Variants in EXD2 observed in about 807,000 individuals in gnomAD.
The protein encoded by EXD2 is exonuclease 3'-5' domain-containing protein 2.
A neutral mutation model predicts 62.5 loss-of-function variants in EXD2; 40 were observed. The observed-to-expected ratio is 0.64, with a 90% CI of 0.50 to 0.83. EXD2 has a LOEUF of 0.83. Ranked by LOEUF, EXD2 falls within the 40% of genes least tolerant of loss-of-function variation. The pLI is 0.00. For synonymous variants in EXD2, 239 were observed against 291.9 expected (o/e 0.82, Z 1.85); for missense variants, 671 against 761.8 (o/e 0.88, Z 1.40).
intron 3 of EXD2, among the ~76,000 whole-genome samples, chr14:69,214,525 AC>A (rs1249226277): frequency 6.6e-6 from 1 of 152,124 alleles, no homozygotes; most frequent in East Asian, 1.9e-4. Flanking sequence ...GTGAAATATA[AC>A]ACATCAAGAA....
chr14:69,207,170 A>T (rs2042631028), intron 2 of EXD2, among the ~76,000 whole-genome samples: 1 of 152,136 alleles, frequency 6.6e-6, no homozygotes, highest in Non-Finnish European at 1.5e-5. Context: ...TACAGGCATG[A>T]TTATAATCCA....
Position 69,237,789 on chromosome 14 carries a change from C to G in EXD2, c.1507C>G (p.Arg503Gly). The G allele has an allele frequency of 6.2e-7, 1 of 1,613,636 alleles. No homozygotes were observed. Among genetic ancestry groups the G allele is most frequent in the Non-Finnish European group, 8.5e-7 (1 of 1,179,874 alleles). ...LLEDPERRQV[R>G]SGARALLNAE... ...GGAAGATCCTGAGCGCCGGCAGGTG[C>G]GTTCTGGGGCCAGGGCCCTGCTCAA... is the stretch of plus-strand genomic sequence containing the variant. The change falls in exon 9 of 10, where the codon CGT becomes GGT. Residue 503 changes from arginine (R) to glycine (G), a missense_variant. By Grantham distance (125) the Arg-to-Gly change is moderately radical. Coordinates refer to ENST00000685843, the MANE Select transcript of EXD2 (RefSeq NM_001193360.2).
rs1313773946 is a variant in EXD2 at position 69,209,775 on chromosome 14, T to C, written c.305T>C (p.Phe102Ser). The C allele has an allele frequency of 2.0e-6, 3 of 1,515,046 alleles. No individual in the cohort carries two copies. In the East Asian group the frequency reaches 7.4e-5, roughly 38 times the overall value. The allele number at this position is 1,515,046 out of a possible 1,614,324, so 93.9% of individuals were successfully genotyped here. ...TTGCTTAGAAGTGAATTAGAAGATT[T>C]TCCAGTACTTGGAATTGACTGTGAG... ...EPLLRSELED[F>S]PVLGIDCEWV... The change falls in exon 3 of 10, where the codon TTT (phenylalanine) becomes TCT (serine). Residue 102 changes from phenylalanine to serine, a missense_variant. Phe to Ser is a radical substitution (Grantham distance 155, BLOSUM62 -2). Transcript: ENST00000685843.
intron 3 of EXD2, among the ~76,000 whole-genome samples, chr14:69,215,538 G>A (rs945033572): frequency 6.6e-6 from 1 of 152,088 alleles, no homozygotes; most frequent in African/African-American, 2.4e-5. Context: ...CCCATCCGTA[G>A]CATATGACTG....
At chr14:69,192,352 ATAGGAAT>A (rs1366970802) in intron 1 of EXD2, among the ~76,000 whole-genome samples, 1 of 152,182 alleles carries the variant, frequency 6.6e-6, no homozygotes, top group Non-Finnish European at 1.5e-5. Context: ...TTTGTTAATC[ATAGGAAT>A]TAGGAAGTGC....
At chr14:69,236,597 G>A (rs879197040) in intron 8 of EXD2, 55 bp downstream of exon 8, 16 of 1,611,464 alleles carry the variant, frequency 9.9e-6, no homozygotes, top group Non-Finnish European at 1.4e-5. Context: ...AATTGCTTTT[G>A]TAGCCATATG....
Position 69,240,883 on chromosome 14 carries a change from GA to G in EXD2, c.1651del (p.Ile551SerfsTer11). 1.9e-6 allele frequency: 3 copies of G among 1,610,938 alleles called. No homozygotes were observed. The highest frequency in any genetic ancestry group is 2.5e-6 in the Non-Finnish European group (3 of 1,177,744). On this transcript the variant is annotated frameshift_variant and splice_region_variant, in exon 10 of 10. Coordinates refer to ENST00000685843, the MANE Select transcript of EXD2 (RefSeq NM_001193360.2). LOFTEE classifies it high-confidence loss of function. ...ACACTTTGTTTTTCATGTTTTGGCAGAATCTCCAATGAAAACTATGTTCCTC... is the reference window on the plus strand; with the variant it reads ...ACACTTTGTTTTTCATGTTTTGGCAGATCTCCAATGAAAACTATGTTCCTC... ...MLQEAASLET[R>X]ISNENYVPHG...
At chr14:69,210,945 A>G (rs1037053345) in intron 3 of EXD2, among the ~76,000 whole-genome samples, 2 of 152,198 alleles carry the variant, frequency 1.3e-5, no homozygotes, top group Non-Finnish European at 2.9e-5. Flanking sequence ...GCAAGTTGTA[A>G]TCTTTTTGCT....
intron 1 of EXD2, among the ~76,000 whole-genome samples, chr14:69,202,817 G>A (rs2042453495): frequency 6.6e-6 from 1 of 152,122 alleles, no homozygotes; most frequent in South Asian, 2.1e-4. Context: ...GGCTGAAACA[G>A]ACAAGATGAA....
At chr14:69,212,518 GTT>G (rs869028588) in intron 3 of EXD2, among the ~76,000 whole-genome samples, 2 of 141,230 alleles carry the variant, frequency 1.4e-5, no homozygotes, top group Admixed American at 7.1e-5. Context: ...CTTCTTTATT[GTT>G]TTTTTTTTTT....
At chr14:69,231,600 A>T (rs1170740371) in intron 5 of EXD2, among the ~76,000 whole-genome samples, 1 of 151,814 alleles carries the variant, frequency 6.6e-6, no homozygotes, top group East Asian at 1.9e-4. Context: ...TCCACCCCAG[A>T]CTCCTTATCA....
At chr14:69,230,405 C>T (rs1228352399) in intron 4 of EXD2, 67 bp from the exon 5 acceptor site, 2 of 1,110,562 alleles carry the variant, frequency 1.8e-6, no homozygotes, top group Non-Finnish European at 2.6e-6. Context: ...ATTTATATGT[C>T]TTTTTTGATT....
intron 2 of EXD2, among the ~76,000 whole-genome samples, chr14:69,205,315 C>T (rs1036206020): frequency 2.6e-5 from 4 of 152,152 alleles, no homozygotes; most frequent in African/African-American, 4.8e-5. Context: ...CCTCCCAAAG[C>T]GTTGAGATTA....
chr14:69,235,640 G>A (rs576488395), intron 6 of EXD2: 1 of 288,706 alleles, frequency 3.5e-6, no homozygotes, highest in East Asian at 1.0e-4. Flanking sequence ...AAGTGTTACT[G>A]CATGTGAGTT....
chr14:69,229,534 G>C (rs540667982), intron 4 of EXD2, among the ~76,000 whole-genome samples: 3 of 152,296 alleles, frequency 2.0e-5, no homozygotes, highest in East Asian at 1.9e-4. Flanking sequence ...AGCGTGCTCT[G>C]TTCAGTTTGC....
chr14:69,208,499 C>T (rs571295550), intron 2 of EXD2, among the ~76,000 whole-genome samples: 58 of 152,202 alleles, frequency 3.8e-4, no homozygotes, highest in South Asian at 1.2e-3. Context: ...CATGAGCCAC[C>T]GCGCCCGGCC....
Position 69,241,101 on chromosome 14 carries a change from T to C in EXD2, c.*1T>C. The C allele has an allele frequency of 1.2e-6, 2 of 1,611,688 alleles. No individual in the cohort carries two copies. Among genetic ancestry groups the C allele is most frequent in the Non-Finnish European group, 1.7e-6 (2 of 1,179,686 alleles). Reference sequence around the variant, plus strand: ...AGATCTTCCCATCCAGCTGTCTTGATAGCTGCTTTCCTCCCAGTTAGGACA... The same window carrying C: ...AGATCTTCCCATCCAGCTGTCTTGACAGCTGCTTTCCTCCCAGTTAGGACA... On this transcript the variant is annotated 3_prime_UTR_variant, in exon 10 of 10. Coordinates refer to ENST00000685843, the MANE Select transcript of EXD2 (RefSeq NM_001193360.2).
chr14:69,201,533 C>G (rs926677107), intron 1 of EXD2, among the ~76,000 whole-genome samples: 2 of 152,066 alleles, frequency 1.3e-5, no homozygotes, highest in Non-Finnish European at 2.9e-5. Flanking sequence ...TGTGGTGCTT[C>G]CTGCCCTTCC....
Position 69,237,752 on chromosome 14 carries a change from C to T in EXD2, c.1470C>T (p.Gly490=). The T allele has an allele frequency of 1.2e-6, 2 of 1,613,978 alleles. No homozygotes were observed. Among genetic ancestry groups the T allele is most frequent in the South Asian group, 1.1e-5 (1 of 91,022 alleles). ...AGGCCCCCATCGGCTCTGAGGAGGG[C>T]TTGCGCCTGCTGGAAGATCCTGAGC... ...EFQAPIGSEE[G]LRLLEDPERR... is the part of the protein sequence containing the mutation. The change falls in exon 9 of 10, where the codon GGC becomes GGT. Residue 490 remains glycine, a synonymous_variant. Coordinates refer to ENST00000685843, the MANE Select transcript of EXD2 (RefSeq NM_001193360.2).
Sources: gnomAD v4.1 joint callset for allele counts (sites outside exome capture counted in the v4.1 genomes callset) on GRCh38, gnomAD v4.1.1 for gene constraint, MANE v1.5 for transcripts, NCBI Gene and HGNC (gene_info 2026-07-23, HGNC 2026-07-21) for gene names.